The following SLC45A4 variants were observed in gnomAD, a reference collection of about 807,000 sequenced individuals.
SLC45A4 encodes the protein polyamine-transporter SLC45A4.
SLC45A4 carries 32 observed loss-of-function variants against 63.7 expected under a neutral mutation model. The observed-to-expected ratio is 0.50, with a 90% CI of 0.38 to 0.67. SLC45A4 has a LOEUF of 0.67. SLC45A4 is among the 30% of genes least tolerant of loss of function. The pLI, the probability that SLC45A4 is intolerant of heterozygous loss-of-function variation, is 0.00. For missense variants in SLC45A4, 1,027 were observed against 1,157.7 expected (o/e 0.89, Z 1.64); for synonymous variants, 535 against 510.0 (o/e 1.05, Z -0.66).
At chr8:141,307,831 A>G (rs1589874184) in intron 1 of SLC45A4, among the ~76,000 whole-genome samples, 1 of 108,762 alleles carries the variant, frequency 9.2e-6, no homozygotes, top group African/African-American at 3.6e-5. Flanking sequence ...GGAATGAGGG[A>G]GGCTGCAGGG....
At chr8:141,290,260 T>G (rs1830299516) in intron 1 of SLC45A4, among the ~76,000 whole-genome samples, 1 of 152,048 alleles carries the variant, frequency 6.6e-6, no homozygotes, top group Non-Finnish European at 1.5e-5. Flanking sequence ...CGTGCAGGTA[T>G]CTGACCCCAG....
At chr8:141,245,306 C>A (rs186424841) in intron 2 of SLC45A4, among the ~76,000 whole-genome samples, 49 of 152,260 alleles carry the variant, frequency 3.2e-4, no homozygotes, top group Middle Eastern at 3.4e-3. Context: ...CTGGCTGCTG[C>A]TACCTCCACC....
chr8:141,230,170 C>T (rs946438302), intron 2 of SLC45A4: 3 of 454,734 alleles, frequency 6.6e-6, no homozygotes, highest in African/African-American at 6.0e-5. Context: ...AGTAGGTTTC[C>T]CAGAAGCTGA....
intron 1 of SLC45A4, among the ~76,000 whole-genome samples, chr8:141,305,887 T>A (rs973796689): frequency 7.5e-5 from 9 of 120,574 alleles, no homozygotes; most frequent in Admixed American, 2.7e-4. Flanking sequence ...CTTTCCTCCA[T>A]CGGGAAAGTG....
chr8:141,301,092 C>T (rs887093242), intron 1 of SLC45A4, among the ~76,000 whole-genome samples: 2 of 152,106 alleles, frequency 1.3e-5, no homozygotes, highest in African/African-American at 4.8e-5. Context: ...GAGAAAGTCC[C>T]GGTGCCCAGG....
intron 1 of SLC45A4, among the ~76,000 whole-genome samples, chr8:141,259,123 T>C (rs529300553): frequency 6.6e-6 from 1 of 152,216 alleles, no homozygotes; most frequent in East Asian, 1.9e-4. Context: ...TTCTAACAAC[T>C]GGTGTAAAGT....
At chr8:141,219,959 A>C (rs1300749421) in intron 3 of SLC45A4, 130 bp from the exon 4 acceptor site, 1 of 863,644 alleles carries the variant, frequency 1.2e-6, no homozygotes, top group African/African-American at 1.7e-5. Context: ...CTTCCAGCAC[A>C]AGAGAGAGGC....
chr8:141,219,575 G>A, intron 4 of SLC45A4, 75 bp downstream of exon 4: 1 of 1,492,582 alleles, frequency 6.7e-7, no homozygotes, highest in Admixed American at 2.0e-5. Flanking sequence ...TGACAACACA[G>A]GCTCCTGTCC....
intron 2 of SLC45A4, among the ~76,000 whole-genome samples, chr8:141,222,256 C>T (rs1422308819): frequency 6.6e-6 from 1 of 152,224 alleles, no homozygotes; most frequent in African/African-American, 2.4e-5. Flanking sequence ...GAAGGGCCCA[C>T]GACTTCTAGA....
At chr8:141,213,684 G>T (rs1825969874) in intron 7 of SLC45A4, among the ~76,000 whole-genome samples, 1 of 152,220 alleles carries the variant, frequency 6.6e-6, no homozygotes, top group African/African-American at 2.4e-5. Flanking sequence ...GACAGCAAAG[G>T]GCGGCAGTGA....
At chr8:141,300,301 G>A (rs371873149) in intron 1 of SLC45A4, among the ~76,000 whole-genome samples, 8 of 152,192 alleles carry the variant, frequency 5.3e-5, no homozygotes, top group Non-Finnish European at 1.0e-4. Context: ...ATCACACAAC[G>A]CAAAGTTCTA....
chr8:141,212,807 C>T (rs976788557), intron 7 of SLC45A4, among the ~76,000 whole-genome samples: 1 of 152,162 alleles, frequency 6.6e-6, no homozygotes, highest in Non-Finnish European at 1.5e-5. Flanking sequence ...CCAGTCGGGA[C>T]GTGGGCTTCC....
chr8:141,302,136 GCAATA>G (rs1171211434), intron 1 of SLC45A4, among the ~76,000 whole-genome samples: 6 of 152,282 alleles, frequency 3.9e-5, no homozygotes, highest in African/African-American at 1.4e-4. Context: ...TTTTTAAAAA[GCAATA>G]CAATGGTTAC....
chr8:141,293,761 C>T (rs753391328), intron 1 of SLC45A4, among the ~76,000 whole-genome samples: 1 of 151,938 alleles, frequency 6.6e-6, no homozygotes, highest in Non-Finnish European at 1.5e-5. Flanking sequence ...GGTGAAACCC[C>T]GTCTCTACTA....
chr8:141,264,450 G>T (rs778749260), intron 1 of SLC45A4, among the ~76,000 whole-genome samples: 26 of 152,186 alleles, frequency 1.7e-4, no homozygotes, highest in Non-Finnish European at 7.3e-5. Context: ...GACCTCTGCT[G>T]GGGGAGGGGA....
In SLC45A4 at chr8:141,271,628, G is replaced by T. The variant is rs1829525609; in HGVS notation, c.-400-16999C>A. ...CCCCATTTCAGAAGGGGCCAGGGAA[G>T]CTCAGCTCTTCTCCACCAGACACCG... On this transcript the variant is annotated intron_variant, in intron 1 of 8. Transcript: ENST00000517878. Among the ~76,000 whole-genome samples, 3 of 152,294 alleles carry T rather than the reference G, an allele frequency of 2.0e-5. No homozygotes were observed. The South Asian group carries it at 6.2e-4, about 32-fold the overall frequency.
At chr8:141,223,462 A>G (rs1826782737) in intron 2 of SLC45A4, among the ~76,000 whole-genome samples, 1 of 152,228 alleles carries the variant, frequency 6.6e-6, no homozygotes, top group Non-Finnish European at 1.5e-5. Context: ...AAAACCTCAG[A>G]AAGAATGGGA....
At chr8:141,250,127 G>A (rs913120615) in intron 2 of SLC45A4, among the ~76,000 whole-genome samples, 1 of 152,192 alleles carries the variant, frequency 6.6e-6, no homozygotes, top group African/African-American at 2.4e-5. Context: ...TACAACTTTG[G>A]AAAGCGACCT....
At chr8:141,241,631 G>C (rs1039215436) in intron 2 of SLC45A4, among the ~76,000 whole-genome samples, 3 of 152,090 alleles carry the variant, frequency 2.0e-5, no homozygotes, top group African/African-American at 7.2e-5. Context: ...TGGTGGGCTG[G>C]CTCTGTGGGG....
Sources: allele counts gnomAD v4.1 joint callset (sites outside exome capture counted in the v4.1 genomes callset), GRCh38; gene constraint gnomAD v4.1.1; transcripts MANE v1.5; gene names NCBI Gene and HGNC (gene_info 2026-07-23, HGNC 2026-07-21).